The following SHANK2 variants were observed in gnomAD, a reference collection of about 807,000 sequenced individuals.
SHANK2 encodes SH3 and multiple ankyrin repeat domains 2, also known as SH3 and multiple ankyrin repeat domains protein 2.
Under a neutral mutation model 133.7 loss-of-function variants are expected in SHANK2, and 43 were observed. The observed-to-expected ratio is 0.32, with a 90% confidence interval of 0.25 to 0.41. The LOEUF (loss-of-function observed/expected upper bound fraction) is 0.41. SHANK2 is among the 10% of genes least tolerant of loss of function. SHANK2 has a pLI of 1.00. For missense variants in SHANK2, 1,994 were observed against 2,235.8 expected (o/e 0.89, Z 2.18); for synonymous variants, 1,017 against 952.8 (o/e 1.07, Z -1.24).
chr11:71,149,004 C>T (rs1467430481), intron 2 of SHANK2, among the ~76,000 whole-genome samples: 1 of 152,158 alleles, frequency 6.6e-6, no homozygotes, highest in Non-Finnish European at 1.5e-5. Context: ...CCATGAACTT[C>T]CTGAAAGCAA....
At chr11:71,224,325 C>A (rs572633376) in intron 2 of SHANK2, among the ~76,000 whole-genome samples, 2 of 152,022 alleles carry the variant, frequency 1.3e-5, no homozygotes, top group Non-Finnish European at 2.9e-5. Context: ...CTTCCCTGCA[C>A]GTGGGCATCA....
chr11:71,219,259 C>T (rs1489867464), intron 2 of SHANK2, among the ~76,000 whole-genome samples: 5 of 152,328 alleles, frequency 3.3e-5, no homozygotes, highest in African/African-American at 9.6e-5. Flanking sequence ...TCTGTCACAA[C>T]GATTCAACTC....
intron 10 of SHANK2, chr11:70,952,567 C>G (rs1565426491): frequency 9.6e-6 from 2 of 208,488 alleles, no homozygotes; most frequent in South Asian, 6.3e-5. Context: ...GAGCTAGTAC[C>G]CGTCTCAGTG....
At chr11:70,852,627 G>A (rs186022408) in intron 11 of SHANK2, among the ~76,000 whole-genome samples, 114 of 152,312 alleles carry the variant, frequency 7.5e-4, no homozygotes, top group African/African-American at 2.5e-3. Flanking sequence ...GGCGGATCAC[G>A]AGGTCAGGAG....
Position 70,891,695 on chromosome 11 carries a change from G to A in SHANK2, c.1174+4806C>T, listed in dbSNP as rs12271088. Among the ~76,000 whole-genome samples the A allele has an allele frequency of 6.4e-3, 971 of 152,118 alleles. 4 individuals are homozygous for A. Among genetic ancestry groups the A allele is most frequent in the African/African-American group, 0.022 (930 of 41,480 alleles). The stretch of plus-strand genomic sequence containing the variant: ...GAGGTGACTATGCAGCACCAAAAGC[G>A]TGTCCTCCTCCCTCCCTCTCTCGGT... On this transcript the variant is annotated intron_variant, in intron 11 of 25. Transcript: ENST00000601538.
intron 17 of SHANK2, among the ~76,000 whole-genome samples, chr11:70,638,895 G>C (rs2061141266): frequency 6.6e-6 from 1 of 152,116 alleles, no homozygotes; most frequent in African/African-American, 2.4e-5. Flanking sequence ...TACTTGGGAG[G>C]CTGAGGCAGG....
chr11:70,886,119 C>G (rs1443261569), intron 11 of SHANK2, among the ~76,000 whole-genome samples: 1 of 152,124 alleles, frequency 6.6e-6, no homozygotes, highest in African/African-American at 2.4e-5. Flanking sequence ...GGAAACCACA[C>G]GCAGACTTGC....
At chr11:71,135,719 G>A (rs1555104659) in intron 3 of SHANK2, among the ~76,000 whole-genome samples, 1 of 152,084 alleles carries the variant, frequency 6.6e-6, no homozygotes, top group Non-Finnish European at 1.5e-5. Context: ...GCCTCCCAAA[G>A]TGCTGGGATT....
At chr11:70,503,791 G>A (rs1285803212) in intron 17 of SHANK2, among the ~76,000 whole-genome samples, 1 of 152,202 alleles carries the variant, frequency 6.6e-6, no homozygotes, top group Non-Finnish European at 1.5e-5. Context: ...AGATGGCCTT[G>A]GCCTCTGCCT....
chr11:71,167,236 C>A (rs1953172013), intron 2 of SHANK2, among the ~76,000 whole-genome samples: 1 of 152,210 alleles, frequency 6.6e-6, no homozygotes, highest in South Asian at 2.1e-4. Flanking sequence ...TTTTCCCCAC[C>A]TTTCCCCCCT....
intron 17 of SHANK2, among the ~76,000 whole-genome samples, chr11:70,632,282 C>T (rs1159808522): frequency 6.6e-6 from 1 of 152,010 alleles, no homozygotes; most frequent in African/African-American, 2.4e-5. Context: ...CCATCACGCC[C>T]GGCTAATTTT....
At chr11:71,073,107 T>C (rs1162579705) in intron 9 of SHANK2, among the ~76,000 whole-genome samples, 3 of 151,432 alleles carry the variant, frequency 2.0e-5, no homozygotes, top group Non-Finnish European at 4.4e-5. Flanking sequence ...TCCCATGCAG[T>C]GGTGGAAGGC....
intron 24 of SHANK2, among the ~76,000 whole-genome samples, chr11:70,488,485 C>T (rs564812078): frequency 6.6e-6 from 1 of 152,210 alleles, no homozygotes. Context: ...ACTAAGGGTT[C>T]TATGTGTCCT....
At chr11:70,582,496 C>T (rs782142695) in intron 17 of SHANK2, among the ~76,000 whole-genome samples, 16 of 152,214 alleles carry the variant, frequency 1.1e-4, no homozygotes, top group Non-Finnish European at 1.8e-4. Context: ...CCTATAGAGG[C>T]GGCAGGCAGC....
At chr11:71,080,181 C>T (rs1309272736) in intron 8 of SHANK2, among the ~76,000 whole-genome samples, 1 of 152,022 alleles carries the variant, frequency 6.6e-6, no homozygotes, top group Non-Finnish European at 1.5e-5. Context: ...ACCTGCACCC[C>T]GTACCCACTC....
At chr11:70,767,764 A>G (rs1947154011) in intron 14 of SHANK2, among the ~76,000 whole-genome samples, 1 of 151,850 alleles carries the variant, frequency 6.6e-6, no homozygotes, top group Admixed American at 6.6e-5. Flanking sequence ...ATGTCCTCAA[A>G]TTAAAAAGTG....
At chr11:71,214,688 C>T (rs1228948521) in intron 2 of SHANK2, among the ~76,000 whole-genome samples, 1 of 152,202 alleles carries the variant, frequency 6.6e-6, no homozygotes, top group African/African-American at 2.4e-5. Flanking sequence ...CTTGGCCCAC[C>T]CAAGTGCCCA....
intron 2 of SHANK2, among the ~76,000 whole-genome samples, chr11:71,158,063 C>T (rs1369014121): frequency 8.5e-5 from 13 of 152,138 alleles, no homozygotes; most frequent in African/African-American, 3.1e-4. Context: ...AGAGAATTTC[C>T]CAAACTCGAA....
rs371718677 is a variant in SHANK2 at position 70,780,835 on chromosome 11, A to C, written c.1777+17608T>G. 2.0e-5 allele frequency among the ~76,000 whole-genome samples: 3 copies of C among 152,248 alleles called. No homozygotes were observed. The South Asian group carries it at 6.2e-4, about 32-fold the overall frequency. The stretch of plus-strand genomic sequence containing the variant: ...GTGATCTGCCTGCCTCGTCCTCCCA[A>C]AGTGCTGGGATTACAGGCCCTGGCT... On this transcript the variant is annotated intron_variant, in intron 14 of 25. Coordinates refer to ENST00000601538, the MANE Select transcript of SHANK2 (RefSeq NM_012309.5).
Sources: gnomAD v4.1 joint callset for allele counts (sites outside exome capture counted in the v4.1 genomes callset) on GRCh38, gnomAD v4.1.1 for gene constraint, MANE v1.5 for transcripts, NCBI Gene and HGNC (gene_info 2026-07-23, HGNC 2026-07-21) for gene names.